The following ITPK1 variants were observed in gnomAD, a reference collection of about 807,000 sequenced individuals.
The protein encoded by ITPK1 is inositol-tetrakisphosphate 1-kinase.
In ITPK1, 21 loss-of-function variants were observed where a neutral mutation model predicts 45.3. The observed-to-expected ratio is 0.46, with a 90% CI of 0.33 to 0.67. The LOEUF is 0.67. Among genes scored for constraint, ITPK1 ranks in the 30% least tolerant of loss-of-function variants. The pLI is 0.02. For missense variants in ITPK1, 474 were observed against 573.5 expected (o/e 0.83, Z 1.77); for synonymous variants, 258 against 253.6 (o/e 1.02, Z -0.16).
chr14:93,001,696 T>C (rs1887362426), intron 4 of ITPK1, among the ~76,000 whole-genome samples: 1 of 152,160 alleles, frequency 6.6e-6, no homozygotes, highest in Admixed American at 6.5e-5. Flanking sequence ...GAACTGAAAT[T>C]ACTTCCTTAT....
In ITPK1 at chr14:93,018,411, G is replaced by A. The variant is rs142361787; in HGVS notation, c.121-1610C>T. Among the ~76,000 whole-genome samples, 71 of 152,208 alleles carry A rather than the reference G, an allele frequency of 4.7e-4. No individual in the cohort carries two copies. In the East Asian group the frequency reaches 0.012, roughly 26 times the overall value. ...CTCGGGCCTGCCCACACCCTGTGAT[G>A]GTCCCTTACTAAACTCCTCTCCGTT... On this transcript the variant is annotated intron_variant, in intron 3 of 10. Transcript: ENST00000267615.
In ITPK1 at chr14:93,014,004, G is replaced by A. The variant is rs1345681298; in HGVS notation, c.246+2672C>T. 6.6e-6 allele frequency among the ~76,000 whole-genome samples: 1 copy of A among 152,108 alleles called. No homozygotes were observed. The highest frequency in any genetic ancestry group is 2.4e-5 in the African/African-American group (1 of 41,416). On this transcript the variant is annotated intron_variant, in intron 4 of 10. Coordinates refer to ENST00000267615, the MANE Select transcript of ITPK1 (RefSeq NM_014216.6). This position sits in a 1 kb window ranked among gnomAD's most constrained non-coding sequence, Gnocchi z 4.4. The stretch of plus-strand genomic sequence containing the variant: ...ACCCTGCCTGCCTCCTCTCTCCTGG[G>A]GCCTCTGGAAAGTGCAGCCCCGCAC...
chr14:92,998,903 C>T (rs547243139), intron 4 of ITPK1: 27 of 152,190 alleles, frequency 1.8e-4, no homozygotes, highest in Middle Eastern at 3.2e-3. Flanking sequence ...GGCCACTTAC[C>T]TGGGACTTGC....
In ITPK1 at chr14:93,076,979, T is replaced by G. The variant is rs1891247218; in HGVS notation, c.96-360A>C. Among the ~76,000 whole-genome samples, 1 of 152,068 alleles carries G rather than the reference T, an allele frequency of 6.6e-6. No individual in the cohort carries two copies. The highest frequency in any genetic ancestry group is 2.4e-5 in the African/African-American group (1 of 41,394). ...CACCATCCTCACCACCTGCCGTCCC[T>G]GCCGAGCTCAACCCCCATAGGTCCC... On this transcript the variant is annotated intron_variant, in intron 2 of 10. Transcript: ENST00000267615. The surrounding 1 kb of genome is among the most constrained non-coding windows in gnomAD (Gnocchi z 4.3).
In ITPK1 at chr14:92,993,923, G is replaced by A. The variant is rs758277259; in HGVS notation, c.321C>T (p.Ser107=). 6.2e-6 allele frequency: 10 copies of A among 1,613,704 alleles called. No individual in the cohort carries two copies. The highest frequency in any genetic ancestry group is 7.6e-6 in the Non-Finnish European group (9 of 1,179,718). Residue 107 remains serine (S), a synonymous_variant, in exon 5 of 11, where the codon TCC becomes TCT. Coordinates refer to ENST00000267615, the MANE Select transcript of ITPK1 (RefSeq NM_014216.6). ...TCTTCCGGATGAGCTCATAGGACTT[G>A]GAGCGGTCAAGCAGGGTTCTGATGG... ...LPAIRTLLDR[S]KSYELIRKIE...
At position 92,940,629 on chromosome 14, in the gene ITPK1, A is replaced by G. The variant is rs1023228840; in HGVS notation, c.*932T>C. 5 of 1,225,646 alleles carry G rather than the reference A, an allele frequency of 4.1e-6. No individual in the cohort carries two copies. In the Admixed American group the frequency reaches 1.4e-4, roughly 35 times the overall value. The allele number at this position is 1,225,646 out of a possible 1,614,324, so 75.9% of individuals were successfully genotyped here. Reference sequence around the variant, plus strand: ...TCCCGCGCCTATCCTCACCTAGGTGACTTTATGGAAAGGCAGGCTGCATCC... The same window carrying G: ...TCCCGCGCCTATCCTCACCTAGGTGGCTTTATGGAAAGGCAGGCTGCATCC... On this transcript the variant is annotated 3_prime_UTR_variant, in exon 11 of 11. Transcript: ENST00000267615.
At chr14:92,963,887 C>T (rs1253087121) in intron 5 of ITPK1, among the ~76,000 whole-genome samples, 1 of 152,154 alleles carries the variant, frequency 6.6e-6, no homozygotes, top group Non-Finnish European at 1.5e-5. Flanking sequence ...GGCACAGGGG[C>T]CAGGAAAGGC....
intron 3 of ITPK1, chr14:93,067,361 C>G (rs905346857): frequency 6.6e-6 from 1 of 151,566 alleles, no homozygotes; most frequent in Non-Finnish European, 1.5e-5. Context: ...CACCCTGGAG[C>G]ACAGGGAGCC....
At chr14:93,098,608 A>AAATGAG (rs1892183832) in intron 2 of ITPK1, among the ~76,000 whole-genome samples, 1 of 152,126 alleles carries the variant, frequency 6.6e-6, no homozygotes, top group African/African-American at 2.4e-5. Flanking sequence ...TCCCAAACTC[A>AAATGAG]TTTCCCAGAG....
At chr14:93,003,551 AC>A (rs1887459578) in intron 4 of ITPK1, among the ~76,000 whole-genome samples, 1 of 152,194 alleles carries the variant, frequency 6.6e-6, no homozygotes, top group African/African-American at 2.4e-5. Context: ...ATGCAGGTAA[AC>A]CTTGGAGGTG....
rs1234010097 is a variant in ITPK1, at chr14:93,014,939, G to GC, written c.246+1736dup. Among the ~76,000 whole-genome samples, 1 of 152,226 alleles carries GC rather than the reference G, an allele frequency of 6.6e-6. No individual in the cohort carries two copies. The highest frequency in any genetic ancestry group is 2.4e-5 in the African/African-American group (1 of 41,476). The stretch of plus-strand genomic sequence containing the variant: ...ACTCAGCAAGAGATGCACCATCCCT[G>GC]CCCCAAAGGTCTGCGTGGCAGCCCA... On this transcript the variant is annotated intron_variant, in intron 4 of 10. Transcript: ENST00000267615. This position sits in a 1 kb window ranked among gnomAD's most constrained non-coding sequence, Gnocchi z 4.4.
intron 5 of ITPK1, among the ~76,000 whole-genome samples, chr14:92,988,575 C>T (rs990675550): frequency 1.3e-5 from 2 of 152,190 alleles, no homozygotes; most frequent in Admixed American, 1.3e-4. Flanking sequence ...CACCTGCAGG[C>T]GCAGAGCCCC....
At chr14:93,042,830 C>T (rs1889614008) in intron 3 of ITPK1, among the ~76,000 whole-genome samples, 1 of 152,118 alleles carries the variant, frequency 6.6e-6, no homozygotes, top group Admixed American at 6.5e-5. Context: ...CCAACCTGAG[C>T]AACATGGTGA....
Position 92,940,414 on chromosome 14 carries a change from T to G in ITPK1, c.*1147A>C. 1.9e-6 allele frequency: 2 copies of G among 1,030,474 alleles called. No individual in the cohort carries two copies. Among genetic ancestry groups the G allele is most frequent in the African/African-American group, 1.7e-5 (1 of 57,768 alleles). The allele number at this position is 1,030,474 out of a possible 1,614,324, so 63.8% of individuals were successfully genotyped here. On this transcript the variant is annotated 3_prime_UTR_variant, in exon 11 of 11. Coordinates refer to ENST00000267615, the MANE Select transcript of ITPK1 (RefSeq NM_014216.6). ...CAGAGCCAGTGCTTTGCTGCCAAGG[T>G]GATGGGGTGAGTCTGAGGTGTGCAG... is the stretch of plus-strand genomic sequence containing the variant.
intron 10 of ITPK1, among the ~76,000 whole-genome samples, chr14:92,944,854 C>A (rs1887604656): frequency 6.6e-6 from 1 of 152,192 alleles, no homozygotes; most frequent in Non-Finnish European, 1.5e-5. Context: ...AAAACACGAT[C>A]GTCGCACGGG....
chr14:93,052,266 G>A (rs77151706), intron 3 of ITPK1, among the ~76,000 whole-genome samples: 5,437 of 152,252 alleles, frequency 0.036, 336 homozygotes, highest in African/African-American at 0.12. Flanking sequence ...TTTTTTTCAA[G>A]TGCTTTATAA....
rs969547602 is a variant in ITPK1, at chr14:92,962,845, G to A, written c.369C>T (p.Asp123=). The change falls in exon 6 of 11, where the codon GAC becomes GAT. Residue 123 remains aspartate, a synonymous_variant. Transcript: ENST00000267615. The part of the protein sequence containing the change: ...IRKIEAYMED[D]RICSPPFMEL... The stretch of plus-strand genomic sequence containing the variant: ...CCATGAAGGGTGGCGAGCAGATCCT[G>A]TCGTCTAGGGCAGAAGGGAGGCCTG... The A allele has an allele frequency of 1.9e-6, 3 of 1,611,700 alleles. No individual in the cohort carries two copies. The highest frequency in any genetic ancestry group is 2.5e-6 in the Non-Finnish European group (3 of 1,178,266).
intron 4 of ITPK1, among the ~76,000 whole-genome samples, chr14:93,009,563 C>T (rs370358204): frequency 1.2e-4 from 19 of 152,330 alleles, no homozygotes; most frequent in Admixed American, 5.2e-4. Context: ...GCAGAAAGGG[C>T]GATTCCTGGC....
intron 2 of ITPK1, among the ~76,000 whole-genome samples, chr14:93,087,872 C>T (rs1891709416): frequency 6.6e-6 from 1 of 152,202 alleles, no homozygotes; most frequent in African/African-American, 2.4e-5. Context: ...CCAGCATGGC[C>T]GCAGGGGTCC....
Sources: gnomAD v4.1 joint callset for allele counts (sites outside exome capture counted in the v4.1 genomes callset) on GRCh38, gnomAD v4.1.1 for gene constraint, Gnocchi (gnomAD v3.1) non-coding constraint, MANE v1.5 for transcripts, NCBI Gene and HGNC (gene_info 2026-07-23, HGNC 2026-07-21) for gene names.